Variants in ANKS1B observed in about 807,000 individuals in gnomAD.
The protein encoded by ANKS1B is ankyrin repeat and sterile alpha motif domain-containing protein 1B.
ANKS1B carries 36 observed loss-of-function variants against 148.3 expected under a neutral mutation model. The ratio of observed to expected loss-of-function variants is 0.24; its 90% CI spans 0.19 to 0.32. The LOEUF is 0.32. ANKS1B is among the 10% of genes least tolerant of loss of function. The pLI is 1.00. For synonymous variants in ANKS1B, 542 were observed against 560.8 expected, an observed-to-expected ratio of 0.97 and a Z score of 0.47; for missense variants, 1,157 against 1,542.6, an observed-to-expected ratio of 0.75 and a Z score of 4.19.
chr12:99,189,026 A>G (rs2080274594), intron 14 of ANKS1B, among the ~76,000 whole-genome samples: 1 of 152,198 alleles, frequency 6.6e-6, no homozygotes. Context: ...ACTGATCCCA[A>G]GGAAATACAA....
intron 14 of ANKS1B, among the ~76,000 whole-genome samples, chr12:99,200,557 T>TCC (rs1250137709): frequency 6.6e-6 from 1 of 152,202 alleles, no homozygotes; most frequent in Admixed American, 6.5e-5. Flanking sequence ...TTTATGAGTG[T>TCC]CTATTTATTA....
intron 12 of ANKS1B, chr12:99,344,904 G>A (rs546591132): frequency 3.9e-4 from 59 of 152,044 alleles, no homozygotes; most frequent in African/African-American, 1.3e-3. Flanking sequence ...TCTTAAATAG[G>A]CTGCACTTCT....
intron 9 of ANKS1B, among the ~76,000 whole-genome samples, chr12:99,576,660 G>T (rs1420807511): frequency 6.6e-6 from 1 of 152,036 alleles, no homozygotes; most frequent in African/African-American, 2.4e-5. Flanking sequence ...AATTAAGGCA[G>T]AAATTTAAAA....
At chr12:99,542,474 A>T (rs1236054549) in intron 9 of ANKS1B, among the ~76,000 whole-genome samples, 1 of 152,064 alleles carries the variant, frequency 6.6e-6, no homozygotes, top group Non-Finnish European at 1.5e-5. Flanking sequence ...TTTAAATGGC[A>T]ATAATCTCCA....
chr12:99,225,734 T>C (rs1370241596), intron 14 of ANKS1B, among the ~76,000 whole-genome samples: 1 of 152,186 alleles, frequency 6.6e-6, no homozygotes, highest in Non-Finnish European at 1.5e-5. Context: ...GTTACACCAG[T>C]GATTTGCTAG....
At chr12:99,131,000 C>T (rs897225530) in intron 15 of ANKS1B, among the ~76,000 whole-genome samples, 12 of 152,210 alleles carry the variant, frequency 7.9e-5, no homozygotes, top group Non-Finnish European at 1.2e-4. Context: ...TTCTATGACA[C>T]GCCACAGCAT....
chr12:99,057,272 G>T (rs1241120182), intron 16 of ANKS1B, among the ~76,000 whole-genome samples: 2 of 152,088 alleles, frequency 1.3e-5, no homozygotes, highest in African/African-American at 2.4e-5. Flanking sequence ...ATGAAATAGG[G>T]AATAAAAATT....
At chr12:99,600,055 A>G (rs1310622647) in intron 9 of ANKS1B, among the ~76,000 whole-genome samples, 1 of 151,904 alleles carries the variant, frequency 6.6e-6, no homozygotes, top group African/African-American at 2.4e-5. Context: ...TCATTGGTGA[A>G]TTTTAGCCAC....
At chr12:99,517,655 T>C (rs2096835197) in intron 9 of ANKS1B, among the ~76,000 whole-genome samples, 1 of 151,878 alleles carries the variant, frequency 6.6e-6, no homozygotes, top group Admixed American at 6.6e-5. Context: ...CTTGAATATA[T>C]ATAGCCAACA....
At chr12:98,791,175 T>C (rs1374776008) in intron 22 of ANKS1B, among the ~76,000 whole-genome samples, 1 of 152,004 alleles carries the variant, frequency 6.6e-6, no homozygotes, top group Non-Finnish European at 1.5e-5. Context: ...TGAAACCCTG[T>C]CTCTACTAAA....
intron 14 of ANKS1B, 99 bp from the exon 15 acceptor site, chr12:99,154,494 C>T: frequency 1.2e-6 from 2 of 1,609,396 alleles, no homozygotes; most frequent in Non-Finnish European, 1.7e-6. Context: ...CCACATCATG[C>T]CCCTGGGAAA....
chr12:99,246,721 T>C lies in ANKS1B; in HGVS notation c.1900A>G (p.Lys634Glu), dbSNP rs777180976. 13 of 1,613,860 alleles carry C rather than the reference T, an allele frequency of 8.1e-6. No individual in the cohort carries two copies. In the African/African-American group the frequency reaches 1.3e-4, roughly 17 times the overall value. Reference sequence around the variant, plus strand: ...GCCAAACTGACTTCATCTTGTCCTTTTTCACATTGTTCTCTTTTCCCATAG... The same window carrying C: ...GCCAAACTGACTTCATCTTGTCCTTCTTCACATTGTTCTCTTTTCCCATAG... ...HLYGKREQCE[K>E]GQDEVSLANS... The change falls in exon 13 of 27, where the codon AAA (lysine) becomes GAA (glutamate). Residue 634 changes from lysine (K) to glutamate (E), a missense_variant. By Grantham distance (56) the Lys-to-Glu change is moderately conservative. Around this residue, in one of 6 missense-constraint regions of ANKS1B, gnomAD observed 661 missense variants for 642.1 expected, o/e 1.03. Transcript: ENST00000683438.
chr12:99,848,465 C>G (rs1298656432), intron 1 of ANKS1B, among the ~76,000 whole-genome samples: 3 of 152,086 alleles, frequency 2.0e-5, no homozygotes, highest in African/African-American at 7.2e-5. Context: ...AGCTGGAAGA[C>G]TTAAAGTACC....
chr12:98,982,364 A>C (rs2099912515), intron 17 of ANKS1B, among the ~76,000 whole-genome samples: 1 of 152,104 alleles, frequency 6.6e-6, no homozygotes, highest in South Asian at 2.1e-4. Flanking sequence ...TTGGAGTAGC[A>C]AGAGTAAGAG....
chr12:99,490,929 C>A (rs191582865), intron 10 of ANKS1B, among the ~76,000 whole-genome samples: 2 of 152,292 alleles, frequency 1.3e-5, no homozygotes, highest in East Asian at 3.9e-4. Context: ...TGTAAGATTT[C>A]TACAAGATTA....
intron 12 of ANKS1B, among the ~76,000 whole-genome samples, chr12:99,366,583 C>A (rs945035621): frequency 6.6e-6 from 1 of 152,086 alleles, no homozygotes; most frequent in Non-Finnish European, 1.5e-5. Flanking sequence ...AAGTTGGCAT[C>A]TCAAATCGCT....
chr12:99,618,254 T>G (rs2097996391), intron 9 of ANKS1B, among the ~76,000 whole-genome samples: 1 of 152,180 alleles, frequency 6.6e-6, no homozygotes, highest in East Asian at 1.9e-4. Flanking sequence ...AGCTTTTGTA[T>G]GTATAAGGAC....
chr12:99,665,732 C>T (rs897491338), intron 8 of ANKS1B, among the ~76,000 whole-genome samples: 2 of 152,168 alleles, frequency 1.3e-5, no homozygotes, highest in African/African-American at 2.4e-5. Context: ...GTGATCCGCC[C>T]GCCTCAGCCT....
intron 12 of ANKS1B, among the ~76,000 whole-genome samples, chr12:99,379,872 G>T (rs1055912245): frequency 6.6e-6 from 1 of 152,154 alleles, no homozygotes; most frequent in African/African-American, 2.4e-5. Flanking sequence ...TTATAATTAT[G>T]TGTTCTGAAA....
Sources: allele counts gnomAD v4.1 joint callset (sites outside exome capture counted in the v4.1 genomes callset), GRCh38; gene constraint gnomAD v4.1.1; regional missense constraint gnomAD v4.1.1; transcripts MANE v1.5; gene names NCBI Gene and HGNC (gene_info 2026-07-23, HGNC 2026-07-21).